ABLIM1: variants seen among roughly 807,000 people sequenced by gnomAD.
The protein encoded by ABLIM1 is actin binding LIM protein 1, also known as actin-binding LIM protein 1.
In ABLIM1, 40 loss-of-function variants were observed where a neutral mutation model predicts 107.0. The ratio of observed to expected loss-of-function variants is 0.37; its 90% CI spans 0.29 to 0.49. The LOEUF is 0.49. Ranked by LOEUF, ABLIM1 falls within the 20% of genes least tolerant of loss-of-function variation. The probability of loss-of-function intolerance (pLI) is 0.97; values close to 1 mark genes in which losing one functional copy is unlikely to be tolerated. For missense variants in ABLIM1, 857 were observed against 1,008.5 expected, an observed-to-expected ratio of 0.85 and a Z score of 2.04; for synonymous variants, 357 against 357.3, an observed-to-expected ratio of 1.00 and a Z score of 0.01.
At chr10:114,685,610 C>T (rs575883243), upstream of ABLIM1, among the ~76,000 whole-genome samples, 6 of 152,282 alleles carry the variant, frequency 3.9e-5, no homozygotes, top group East Asian at 3.9e-4. Context: ...CCTCTGATAA[C>T]GTCCTCCTGA....
chr10:114,609,404 T>G (rs7899192), intron 1 of ABLIM1, among the ~76,000 whole-genome samples: 1 of 152,194 alleles, frequency 6.6e-6, no homozygotes, highest in African/African-American at 2.4e-5. Context: ...GGCGCTTCTC[T>G]GAAGCTTTCA....
chr10:114,662,267 C>T (rs537193840), upstream of ABLIM1, among the ~76,000 whole-genome samples: 13 of 152,058 alleles, frequency 8.5e-5, no homozygotes, highest in Non-Finnish European at 1.8e-4. Flanking sequence ...AATGAAAGAA[C>T]AAAAAGAGCT....
chr10:114,577,471 G>C (rs535148594), intron 2 of ABLIM1, among the ~76,000 whole-genome samples: 30 of 152,192 alleles, frequency 2.0e-4, no homozygotes, highest in Non-Finnish European at 4.0e-4. Context: ...GTGTCAAAAG[G>C]GTAATCTGGT....
chr10:114,477,523 C>T (rs1299999122), intron 8 of ABLIM1, among the ~76,000 whole-genome samples: 1 of 152,166 alleles, frequency 6.6e-6, no homozygotes, highest in East Asian at 1.9e-4. Context: ...TACTTTCAGC[C>T]TTTGCTGTAA....
At chr10:114,450,710 G>A (rs1459385922) in intron 14 of ABLIM1, among the ~76,000 whole-genome samples, 1 of 152,062 alleles carries the variant, frequency 6.6e-6, no homozygotes, top group Non-Finnish European at 1.5e-5. Context: ...CCACAGTGCT[G>A]GGATTACAGG....
At chr10:114,502,763 T>C (rs976961796) in intron 6 of ABLIM1, among the ~76,000 whole-genome samples, 6 of 152,186 alleles carry the variant, frequency 3.9e-5, no homozygotes, top group Non-Finnish European at 5.9e-5. Context: ...AATTTTTAAG[T>C]AAAATTATTT....
chr10:114,448,895 C>G (rs972016497), intron 14 of ABLIM1, among the ~76,000 whole-genome samples: 1 of 152,162 alleles, frequency 6.6e-6, no homozygotes, highest in Non-Finnish European at 1.5e-5. Flanking sequence ...CAGGCATGGG[C>G]CACCACACCC....
At chr10:114,448,107 C>T in intron 14 of ABLIM1, 87 bp from the exon 15 acceptor site, 1 of 1,550,488 alleles carries the variant, frequency 6.4e-7, no homozygotes, top group Non-Finnish European at 8.8e-7. Context: ...TTTTCTTGTT[C>T]TCTGGCAAAA....
chr10:114,504,001 A>T (rs1332615551), intron 6 of ABLIM1, among the ~76,000 whole-genome samples: 1 of 152,200 alleles, frequency 6.6e-6, no homozygotes, highest in African/African-American at 2.4e-5. Flanking sequence ...AAGGGTTGAC[A>T]TTGCAATAGT....
chr10:114,512,167 T>A (rs2061969722), intron 6 of ABLIM1, among the ~76,000 whole-genome samples: 1 of 152,194 alleles, frequency 6.6e-6, no homozygotes, highest in Non-Finnish European at 1.5e-5. Context: ...ATGGGTCTAT[T>A]AAAGACAGGA....
chr10:114,494,612 A>T (rs2059431154), intron 6 of ABLIM1, among the ~76,000 whole-genome samples: 1 of 152,230 alleles, frequency 6.6e-6, no homozygotes, highest in African/African-American at 2.4e-5. Flanking sequence ...TACTTACAAT[A>T]CTGAATCACA....
chr10:114,657,334 G>A (rs111795981), intron 1 of ABLIM1, among the ~76,000 whole-genome samples: 10 of 152,230 alleles, frequency 6.6e-5, no homozygotes, highest in Admixed American at 2.0e-4. Flanking sequence ...AAGGCACCAT[G>A]ATAACTTCAA....
chr10:114,456,660 A>T (rs2062878584), intron 12 of ABLIM1, among the ~76,000 whole-genome samples: 1 of 152,184 alleles, frequency 6.6e-6, no homozygotes, highest in Non-Finnish European at 1.5e-5. Context: ...CACACACAAA[A>T]ATATCTGCAT....
intron 3 of ABLIM1, among the ~76,000 whole-genome samples, chr10:114,572,807 C>G (rs145697575): frequency 1.4e-3 from 220 of 152,344 alleles, no homozygotes; most frequent in African/African-American, 5.2e-3. Context: ...TTCAACACAA[C>G]ACGCACAGGT....
intron 5 of ABLIM1, among the ~76,000 whole-genome samples, chr10:114,546,756 G>A (rs2067399303): frequency 6.6e-6 from 1 of 152,058 alleles, no homozygotes; most frequent in South Asian, 2.1e-4. Context: ...ATGTGGTTGG[G>A]GAAATGCATG....
At chr10:114,712,139 G>A (rs2081562858) in intron 1 of ABLIM1, among the ~76,000 whole-genome samples, 1 of 151,980 alleles carries the variant, frequency 6.6e-6, no homozygotes, top group Non-Finnish European at 1.5e-5. Context: ...GATCATTTGA[G>A]GTCTGGAGTT....
At chr10:114,771,842 A>T (rs2083028297), upstream of ABLIM1, among the ~76,000 whole-genome samples, 1 of 152,228 alleles carries the variant, frequency 6.6e-6, no homozygotes, top group Non-Finnish European at 1.5e-5. Flanking sequence ...CTGTGTTTGA[A>T]AAAAAGAGGT....
rs956769163 is a variant in ABLIM1 at position 114,619,476 on chromosome 10, C to T, written c.245-17515G>A. Among the ~76,000 whole-genome samples the T allele has an allele frequency of 6.6e-6, 1 of 152,152 alleles. No individual in the cohort carries two copies. Among genetic ancestry groups the T allele is most frequent in the Admixed American group, 6.5e-5 (1 of 15,284 alleles). On this transcript the variant is annotated intron_variant, in intron 1 of 22. Coordinates refer to ENST00000533213, the MANE Select transcript of ABLIM1 (RefSeq NM_002313.7). This position sits in a 1 kb window ranked among gnomAD's most constrained non-coding sequence, Gnocchi z 4.1. Reference sequence around the variant, plus strand: ...CCTCCCAAAGTGCTAGGATTACAGGCGTGAGCCACTGTGCCTGGCTGAAAT... The same window carrying T: ...CCTCCCAAAGTGCTAGGATTACAGGTGTGAGCCACTGTGCCTGGCTGAAAT...
At chr10:114,657,542 C>T (rs1026477374) in intron 1 of ABLIM1, among the ~76,000 whole-genome samples, 4 of 152,190 alleles carry the variant, frequency 2.6e-5, no homozygotes, top group African/African-American at 9.7e-5. Context: ...CCTCCCTACA[C>T]AGTGACACAA....
Sources: allele counts gnomAD v4.1 joint callset (sites outside exome capture counted in the v4.1 genomes callset), GRCh38; gene constraint gnomAD v4.1.1; non-coding constraint Gnocchi (gnomAD v3.1); transcripts MANE v1.5; gene names NCBI Gene and HGNC (gene_info 2026-07-23, HGNC 2026-07-21).